Variants in OTULINL observed in about 807,000 individuals in gnomAD.
The protein encoded by OTULINL is OTU deubiquitinase with linear linkage specificity like, also known as inactive ubiquitin thioesterase OTULINL.
Under a neutral mutation model 43.9 loss-of-function variants are expected in OTULINL, and 42 were observed. The observed-to-expected ratio is 0.96, with a 90% confidence interval of 0.75 to 1.24. The LOEUF (loss-of-function observed/expected upper bound fraction) is 1.24. OTULINL is among the 50% of genes most tolerant of loss of function. OTULINL has a pLI of 0.00. For synonymous variants in OTULINL, 172 were observed against 153.6 expected (o/e 1.12, Z -0.88); for missense variants, 411 against 426.4 (o/e 0.96, Z 0.32).
chr5:14,607,249 T>G, intron 5 of OTULINL, 81 bp from the exon 6 acceptor site: 2 of 1,391,330 alleles, frequency 1.4e-6, no homozygotes, highest in Admixed American at 2.2e-5. Context: ...AAAGATAAGG[T>G]TGTGTGCTGT....
chr5:14,606,380 A>G (rs772570068), intron 5 of OTULINL, among the ~76,000 whole-genome samples: 49 of 152,348 alleles, frequency 3.2e-4, no homozygotes, highest in Non-Finnish European at 5.9e-4. Context: ...GTGGGGACAC[A>G]GTCAAACCAT....
chr5:14,592,065 GC>G (rs1405046677), intron 1 of OTULINL, among the ~76,000 whole-genome samples: 1 of 152,172 alleles, frequency 6.6e-6, no homozygotes, highest in African/African-American at 2.4e-5. Context: ...AGACCACATG[GC>G]CGATGAGACC....
At chr5:14,595,319 A>G (rs1455464645) in intron 1 of OTULINL, among the ~76,000 whole-genome samples, 10 of 152,312 alleles carry the variant, frequency 6.6e-5, no homozygotes, top group African/African-American at 2.4e-4. Flanking sequence ...GTTGAGGACT[A>G]TGCAGCTGGC....
intron 7 of OTULINL, among the ~76,000 whole-genome samples, chr5:14,609,700 C>T (rs772962760): frequency 7.4e-5 from 11 of 148,756 alleles, no homozygotes; most frequent in South Asian, 6.4e-4. Flanking sequence ...GCGCGATCTC[C>T]GCTCACTGCA....
chr5:14,615,430 A>C lies in OTULINL; in HGVS notation c.*5116A>C, dbSNP rs1759657876. Among the ~76,000 whole-genome samples the C allele has an allele frequency of 6.6e-6, 1 of 152,154 alleles. No individual in the cohort carries two copies. Among genetic ancestry groups the C allele is most frequent in the Admixed American group, 6.5e-5 (1 of 15,276 alleles). The stretch of plus-strand genomic sequence containing the variant: ...ATGGAAAGAACCCCAGGGCAAGGTG[A>C]GGAGAAGCAGCTGGTACAGACTGAT... On this transcript the variant is annotated 3_prime_UTR_variant, in exon 8 of 8. Coordinates refer to ENST00000274217, the MANE Select transcript of OTULINL (RefSeq NM_019018.3).
chr5:14,600,105 G>A (rs1759358133), intron 1 of OTULINL, among the ~76,000 whole-genome samples: 1 of 152,162 alleles, frequency 6.6e-6, no homozygotes, highest in South Asian at 2.1e-4. Context: ...AAGTGTCATG[G>A]GAGGGACCCA....
rs1177782861 is a variant in OTULINL at position 14,583,011 on chromosome 5, G to A, written c.64+1053G>A. Among the ~76,000 whole-genome samples, 25 of 152,176 alleles carry A rather than the reference G, an allele frequency of 1.6e-4. No homozygotes were observed. The South Asian group carries it at 5.2e-3, about 32-fold the overall frequency. ...ATTCCTGTGTCTATATTTGTCTGGAGCCCACTAGTGGATTTTGGGAGGATT... is the reference window on the plus strand; with the variant it reads ...ATTCCTGTGTCTATATTTGTCTGGAACCCACTAGTGGATTTTGGGAGGATT... On this transcript the variant is annotated intron_variant, in intron 1 of 7. Transcript: ENST00000274217.
At position 14,610,168 on chromosome 5, in the gene OTULINL, C is replaced by T. The variant is rs776831885; in HGVS notation, c.925C>T (p.Leu309Phe). Reference sequence around the variant, plus strand: ...TGATATGTTTATACTTGGATACTCCCTTGAAGTAAAGATAAAAGTGTTCAG... The same window carrying T: ...TGATATGTTTATACTTGGATACTCCTTTGAAGTAAAGATAAAAGTGTTCAG... ...QIDMFILGYS[L>F]EVKIKVFRLF... Residue 309 changes from leucine (L) to phenylalanine (F), a missense_variant, in exon 8 of 8, where the codon CTT becomes TTT. By Grantham distance (22) the Leu-to-Phe change is conservative (BLOSUM62 0). Transcript: ENST00000274217. The T allele has an allele frequency of 1.9e-6, 3 of 1,613,922 alleles. No homozygotes were observed. Among genetic ancestry groups the T allele is most frequent in the African/African-American group, 2.7e-5 (2 of 74,920 alleles).
At chr5:14,602,994 C>T (rs975295110) in intron 5 of OTULINL, among the ~76,000 whole-genome samples, 1 of 152,212 alleles carries the variant, frequency 6.6e-6, no homozygotes, top group African/African-American at 2.4e-5. Context: ...CATCCTCCTC[C>T]TACCCCAGCC....
chr5:14,584,473 C>G (rs771681399), intron 1 of OTULINL, among the ~76,000 whole-genome samples: 1 of 152,018 alleles, frequency 6.6e-6, no homozygotes. Flanking sequence ...TTTTGCTGTT[C>G]TAGGTGAGGT....
At chr5:14,608,485 G>T (rs767576686) in intron 6 of OTULINL, among the ~76,000 whole-genome samples, 1 of 152,102 alleles carries the variant, frequency 6.6e-6, no homozygotes, top group African/African-American at 2.4e-5. Flanking sequence ...ACCTAATCAC[G>T]TCCCAAAGGA....
chr5:14,601,588 C>G, intron 4 of OTULINL, 146 bp downstream of exon 4: 1 of 753,270 alleles, frequency 1.3e-6, no homozygotes. Context: ...AACTCAAAAG[C>G]CAAATGGCTG....
chr5:14,582,337 C>G (rs925510790), intron 1 of OTULINL, among the ~76,000 whole-genome samples: 1 of 151,674 alleles, frequency 6.6e-6, no homozygotes, highest in Non-Finnish European at 1.5e-5. Flanking sequence ...CGCCTGGGAG[C>G]GAGCCCGGGG....
chr5:14,584,744 A>G (rs1375700853), intron 1 of OTULINL, among the ~76,000 whole-genome samples: 1 of 152,074 alleles, frequency 6.6e-6, no homozygotes, highest in African/African-American at 2.4e-5. Flanking sequence ...AAGGTTACCC[A>G]CCTCCTATGT....
intron 1 of OTULINL, among the ~76,000 whole-genome samples, chr5:14,591,333 G>C (rs1759197720): frequency 6.6e-6 from 1 of 152,150 alleles, no homozygotes; most frequent in Non-Finnish European, 1.5e-5. Flanking sequence ...TTCTAAGTCA[G>C]CTCAGTGACA....
Position 14,581,793 on chromosome 5 carries a change from C to A in OTULINL, c.-102C>A. The A allele has an allele frequency of 2.1e-6, 2 of 967,344 alleles. No homozygotes were observed. The highest frequency in any genetic ancestry group is 2.7e-6 in the Non-Finnish European group (2 of 740,056). The allele number at this position is 967,344 out of a possible 1,614,324, so 59.9% of individuals were successfully genotyped here. A position where few individuals can be genotyped will look rare whatever the true frequency, so the allele number is the denominator to read the frequency against. On this transcript the variant is annotated 5_prime_UTR_variant, in exon 1 of 8. Coordinates refer to ENST00000274217, the MANE Select transcript of OTULINL (RefSeq NM_019018.3). ...CGCCTCCCCCGCCCTCCCCAGCCCG[C>A]CTCAGGGAAGCGAGCCCGGGCGCCG...
At chr5:14,585,354 T>A (rs1045729481) in intron 1 of OTULINL, among the ~76,000 whole-genome samples, 1 of 151,928 alleles carries the variant, frequency 6.6e-6, no homozygotes, top group East Asian at 1.9e-4. Flanking sequence ...TTGTTGTTGT[T>A]GTTTTGCCAC....
chr5:14,604,928 G>A (rs750311909), intron 5 of OTULINL, among the ~76,000 whole-genome samples: 1 of 152,196 alleles, frequency 6.6e-6, no homozygotes, highest in Non-Finnish European at 1.5e-5. Context: ...ATGGTGCAAG[G>A]TGTTGGTGGT....
chr5:14,595,666 T>G (rs3853118), intron 1 of OTULINL, among the ~76,000 whole-genome samples: 10,999 of 125,768 alleles, frequency 0.087, 345 homozygotes, highest in Middle Eastern at 0.14. Context: ...TTTTTTTTTT[T>G]TGTGTAGTTC....
Sources: gnomAD v4.1 joint callset for allele counts (sites outside exome capture counted in the v4.1 genomes callset) on GRCh38, gnomAD v4.1.1 for gene constraint, MANE v1.5 for transcripts, NCBI Gene and HGNC (gene_info 2026-07-23, HGNC 2026-07-21) for gene names.